SHLD2: variants seen among roughly 807,000 people sequenced by gnomAD.
SHLD2 encodes the protein shieldin complex subunit 2.
Under a neutral mutation model 73.2 loss-of-function variants are expected in SHLD2, and 30 were observed. The ratio of observed to expected loss-of-function variants is 0.41; its 90% CI spans 0.31 to 0.56. SHLD2 has a LOEUF of 0.56. SHLD2 is among the 20% of genes least tolerant of loss of function. SHLD2 has a pLI of 0.28. For synonymous variants in SHLD2, 285 were observed against 370.1 expected, an observed-to-expected ratio of 0.77 and a Z score of 2.64; for missense variants, 745 against 1,055.9, an observed-to-expected ratio of 0.71 and a Z score of 4.08.
intron 2 of SHLD2, among the ~76,000 whole-genome samples, chr10:87,105,765 A>G (rs534587356): frequency 2.0e-5 from 3 of 152,310 alleles, no homozygotes. Flanking sequence ...ACTAAGTTCT[A>G]TGGAGAAACA....
At chr10:87,162,465 G>A (rs1012362992) in intron 4 of SHLD2, among the ~76,000 whole-genome samples, 2 of 152,150 alleles carry the variant, frequency 1.3e-5, no homozygotes, top group Admixed American at 6.5e-5. Flanking sequence ...AAGCTGAGGT[G>A]GGAGAATCAC....
intron 3 of SHLD2, among the ~76,000 whole-genome samples, chr10:87,157,575 A>C (rs1846522879): frequency 6.6e-6 from 1 of 152,228 alleles, no homozygotes. Context: ...GAAGATAATT[A>C]TAGTGCTATT....
chr10:87,173,497 T>TTA (rs1457646574), intron 6 of SHLD2, among the ~76,000 whole-genome samples: 1 of 152,096 alleles, frequency 6.6e-6, no homozygotes, highest in Non-Finnish European at 1.5e-5. Flanking sequence ...AATAAAAGAA[T>TTA]AGTTAATGTT....
intron 2 of SHLD2, among the ~76,000 whole-genome samples, chr10:87,108,794 C>G (rs921429149): frequency 3.3e-5 from 5 of 152,206 alleles, no homozygotes; most frequent in African/African-American, 1.2e-4. Context: ...AGTTTCCTCA[C>G]AGAGCCCACC....
intron 4 of SHLD2, among the ~76,000 whole-genome samples, chr10:87,160,393 G>A (rs1177868048): frequency 6.6e-6 from 1 of 152,124 alleles, no homozygotes; most frequent in Non-Finnish European, 1.5e-5. Context: ...GGAGGCTTAA[G>A]TGGGAAAGAA....
chr10:87,174,986 G>A (rs1257948500), intron 6 of SHLD2, among the ~76,000 whole-genome samples: 5 of 151,858 alleles, frequency 3.3e-5, no homozygotes, highest in African/African-American at 7.3e-5. Flanking sequence ...GCGTGGTGGC[G>A]GGCGCCTGTA....
chr10:87,120,660 A>G (rs1441562998), intron 2 of SHLD2, among the ~76,000 whole-genome samples: 1 of 152,196 alleles, frequency 6.6e-6, no homozygotes, highest in Non-Finnish European at 1.5e-5. Flanking sequence ...CTTTTCAAGT[A>G]CGTTCTTCTT....
chr10:87,096,208 C>G (rs1245517943), intron 1 of SHLD2, among the ~76,000 whole-genome samples: 15 of 151,980 alleles, frequency 9.9e-5, no homozygotes. Flanking sequence ...CCACGCCCGG[C>G]TAATTTTTGC....
chr10:87,151,693 T>A lies in SHLD2; in HGVS notation c.339T>A (p.Ser113Arg). 6.2e-7 allele frequency: 1 copy of A among 1,611,858 alleles called. No homozygotes were observed. Among genetic ancestry groups the A allele is most frequent in the African/African-American group, 1.3e-5 (1 of 74,960 alleles). ...ESQKIHSSRL[S>R]DITSSNMQIC... The stretch of plus-strand genomic sequence containing the variant: ...AGAAGATTCACTCCTCTAGACTGAG[T>A]GATATAACTAGCTCTAATATGCAAA... Residue 113 changes from serine to arginine, a missense_variant, in exon 3 of 10, where the codon AGT becomes AGA. Around this residue, in one of 5 missense-constraint regions of SHLD2, gnomAD observed 280 missense variants for 353.9 expected, o/e 0.79. Transcript: ENST00000298786.
At chr10:87,146,357 G>A (rs1375492007) in intron 2 of SHLD2, among the ~76,000 whole-genome samples, 2 of 151,906 alleles carry the variant, frequency 1.3e-5, no homozygotes, top group Non-Finnish European at 2.9e-5. Flanking sequence ...GCAGTGGCCC[G>A]ATCTTGGCTC....
At chr10:87,186,283 G>A (rs542440931) in intron 8 of SHLD2, among the ~76,000 whole-genome samples, 84 of 152,232 alleles carry the variant, frequency 5.5e-4, no homozygotes, top group African/African-American at 1.8e-3. Flanking sequence ...AAATTCCCCC[G>A]CTAATGAGCC....
intron 4 of SHLD2, among the ~76,000 whole-genome samples, chr10:87,164,905 G>T (rs1251373140): frequency 3.9e-5 from 6 of 151,962 alleles, no homozygotes; most frequent in Non-Finnish European, 7.4e-5. Context: ...GAGAATTACT[G>T]GCCATGCTCA....
At position 87,127,529 on chromosome 10, in the gene SHLD2, GCC is replaced by G. The variant is rs1225003390; in HGVS notation, c.-5-23813_-5-23812del. Among the ~76,000 whole-genome samples, 10 of 24,372 alleles carry G rather than the reference GCC, an allele frequency of 4.1e-4. 1 individual carries two copies. In the East Asian group the frequency reaches 8.2e-3, roughly 20 times the overall value. The allele number at this position is 24,372 out of a possible 152,430, so 16.0% of individuals were successfully genotyped here. A position where few individuals can be genotyped will look rare whatever the true frequency, so the allele number is the denominator to read the frequency against. ...AGAATGTTTTTTGTCCCTCTTACCCGCCCCCCCCCACCCCGTCTGCCACCCCC... is the reference window on the plus strand; with the variant it reads ...AGAATGTTTTTTGTCCCTCTTACCCGCCCCCCCACCCCGTCTGCCACCCCC... On this transcript the variant is annotated intron_variant, in intron 2 of 9. Coordinates refer to ENST00000298786, the MANE Select transcript of SHLD2 (RefSeq NM_001330112.2).
chr10:87,111,472 C>T (rs1442364133), intron 2 of SHLD2, among the ~76,000 whole-genome samples: 2 of 151,782 alleles, frequency 1.3e-5, no homozygotes, highest in Non-Finnish European at 2.9e-5. Context: ...GAAACCCCCT[C>T]TCTACTACAA....
chr10:87,157,487 C>T (rs1350433546), intron 3 of SHLD2, among the ~76,000 whole-genome samples: 3 of 152,146 alleles, frequency 2.0e-5, no homozygotes, highest in East Asian at 1.9e-4. Context: ...CTACTCTATC[C>T]GTCTTAGATA....
chr10:87,110,364 CTT>C (rs1208301178), intron 2 of SHLD2, among the ~76,000 whole-genome samples: 16 of 152,090 alleles, frequency 1.1e-4, no homozygotes, highest in Admixed American at 3.9e-4. Context: ...AATCCCAGCA[CTT>C]TGGGAGGCCG....
At chr10:87,154,016 T>G (rs1314482103) in intron 3 of SHLD2, 1 of 152,176 alleles carries the variant, frequency 6.6e-6, no homozygotes, top group African/African-American at 2.4e-5. Flanking sequence ...ATTGTTATTT[T>G]TAATTTTTTG....
intron 2 of SHLD2, among the ~76,000 whole-genome samples, chr10:87,143,889 A>G (rs771902740): frequency 7.1e-5 from 9 of 126,692 alleles, no homozygotes; most frequent in Non-Finnish European, 1.3e-4. Context: ...TTTGTGACGG[A>G]GTCTCACTCT....
In SHLD2 at chr10:87,144,917, A is replaced by G. The variant is rs536487607; in HGVS notation, c.-5-6433A>G. On this transcript the variant is annotated intron_variant, in intron 2 of 9. Coordinates refer to ENST00000298786, the MANE Select transcript of SHLD2 (RefSeq NM_001330112.2). ...CTGGGATTGATTACAGGCGTGAGCC[A>G]CTGCTCCCGGCCTGTAATTCTTTTT... 2.3e-4 allele frequency among the ~76,000 whole-genome samples: 31 copies of G among 136,552 alleles called. 2 individuals carry two copies. The South Asian group carries it at 7.2e-3, about 32-fold the overall frequency. 89.6% of individuals were successfully genotyped at this position (136,552 alleles called of 152,430 possible).
Sources: gnomAD v4.1 joint callset for allele counts (sites outside exome capture counted in the v4.1 genomes callset) on GRCh38, gnomAD v4.1.1 for gene constraint, gnomAD v4.1.1 regional missense constraint, MANE v1.5 for transcripts, NCBI Gene and HGNC (gene_info 2026-07-23, HGNC 2026-07-21) for gene names.